ST8SIA5: variants seen among roughly 807,000 people sequenced by gnomAD.
ST8SIA5 encodes the protein alpha-2,8-sialyltransferase 8E.
In ST8SIA5, 24 loss-of-function variants were observed where a neutral mutation model predicts 40.2. That is an observed-to-expected ratio of 0.60 (90% CI 0.43 to 0.84). The LOEUF (loss-of-function observed/expected upper bound fraction) is 0.84. Among genes scored for constraint, ST8SIA5 ranks in the 40% least tolerant of loss-of-function variants. The pLI is 0.00. For missense variants in ST8SIA5, 465 were observed against 498.5 expected, an observed-to-expected ratio of 0.93 and a Z score of 0.64; for synonymous variants, 198 against 201.8, an observed-to-expected ratio of 0.98 and a Z score of 0.16.
Position 46,691,020 on chromosome 18 carries a change from A to G in ST8SIA5, c.311+1149T>C, listed in dbSNP as rs370534116. 4.6e-5 allele frequency among the ~76,000 whole-genome samples: 7 copies of G among 152,330 alleles called. 1 individual carries two copies. The East Asian group carries it at 1.4e-3, about 29-fold the overall frequency. On this transcript the variant is annotated intron_variant, in intron 3 of 6. Transcript: ENST00000315087. The stretch of plus-strand genomic sequence containing the variant: ...TTATCAGCCATACTCTCAGTGTGTC[A>G]GGTCTCACTCGCCCCCAGGGGCACC...
intron 2 of ST8SIA5, among the ~76,000 whole-genome samples, chr18:46,697,892 G>GA (rs201607825): frequency 1.1e-3 from 159 of 149,954 alleles, no homozygotes; most frequent in Middle Eastern, 3.5e-3. Flanking sequence ...GATTCCAGAG[G>GA]AAAAAAAAAT....
chr18:46,725,972 A>ATATATATATAT (rs1555696956), intron 1 of ST8SIA5, among the ~76,000 whole-genome samples: 4 of 29,078 alleles, frequency 1.4e-4, no homozygotes, highest in South Asian at 1.4e-3. Flanking sequence ...AAAAAAAAAA[A>ATATATATATAT]ATATATATAT....
At chr18:46,699,419 G>A (rs536579800) in intron 2 of ST8SIA5, among the ~76,000 whole-genome samples, 43 of 150,274 alleles carry the variant, frequency 2.9e-4, no homozygotes, top group African/African-American at 7.1e-4. Flanking sequence ...TTACTCCGTC[G>A]CCCAGGCTGG....
At chr18:46,698,588 AG>A (rs1180063392) in intron 2 of ST8SIA5, among the ~76,000 whole-genome samples, 1 of 152,264 alleles carries the variant, frequency 6.6e-6, no homozygotes, top group Non-Finnish European at 1.5e-5. Flanking sequence ...ATCAGGTAAA[AG>A]GGAAGAATCC....
At chr18:46,709,438 G>A (rs558274616) in intron 1 of ST8SIA5, among the ~76,000 whole-genome samples, 1 of 152,286 alleles carries the variant, frequency 6.6e-6, no homozygotes, top group Non-Finnish European at 1.5e-5. Flanking sequence ...CCCAGTCTAA[G>A]CTATTTTGTT....
chr18:46,719,558 G>A (rs1351769451), intron 1 of ST8SIA5, among the ~76,000 whole-genome samples: 1 of 152,172 alleles, frequency 6.6e-6, no homozygotes, highest in African/African-American at 2.4e-5. Flanking sequence ...TAGGAATGGA[G>A]CCCATGCAAT....
chr18:46,726,950 T>G (rs1399911153), intron 1 of ST8SIA5, among the ~76,000 whole-genome samples: 3 of 152,118 alleles, frequency 2.0e-5, no homozygotes, highest in African/African-American at 7.2e-5. Context: ...AAAAAACAAG[T>G]GCTTAACTGT....
chr18:46,721,714 T>C (rs2144529316), intron 1 of ST8SIA5, among the ~76,000 whole-genome samples: 1 of 152,064 alleles, frequency 6.6e-6, no homozygotes, highest in Non-Finnish European at 1.5e-5. Flanking sequence ...AGAGCACACA[T>C]TTCACACACA....
In ST8SIA5 at chr18:46,678,144, T is replaced by A. The variant is rs1168661199; in HGVS notation, c.*1898A>T. Reference sequence around the variant, plus strand: ...CAGTTCTTCCTGGTTTAGCAGGTGTTTGGGATCATTTCATCCCCTTGGCTA... The same window carrying A: ...CAGTTCTTCCTGGTTTAGCAGGTGTATGGGATCATTTCATCCCCTTGGCTA... On this transcript the variant is annotated 3_prime_UTR_variant, in exon 7 of 7. Transcript: ENST00000315087. 6.6e-6 allele frequency: 1 copy of A among 152,252 alleles called. No individual in the cohort carries two copies. Among genetic ancestry groups the A allele is most frequent in the Non-Finnish European group, 1.5e-5 (1 of 68,058 alleles). 9.4% of individuals were successfully genotyped at this position (152,252 alleles called of 1,614,324 possible).
chr18:46,720,924 G>GTGGGCAGGGCAGGGAGTACC (rs2039855546), intron 1 of ST8SIA5, among the ~76,000 whole-genome samples: 1 of 152,168 alleles, frequency 6.6e-6, no homozygotes, highest in Non-Finnish European at 1.5e-5. Context: ...AACCTCCCCT[G>GTGGGCAGGGCAGGGAGTACC]TGGGCAGGGC....
intron 3 of ST8SIA5, among the ~76,000 whole-genome samples, chr18:46,689,740 A>AT (rs961770000): frequency 0.22 from 28,480 of 128,056 alleles, 3,298 homozygotes; most frequent in African/African-American, 0.25. Context: ...TGCCTGGCTA[A>AT]TTTTTTTTTT....
At chr18:46,710,607 C>T (rs1365198350) in intron 1 of ST8SIA5, among the ~76,000 whole-genome samples, 1 of 144,210 alleles carries the variant, frequency 6.9e-6, no homozygotes. Context: ...GTGGCATGAT[C>T]TCGGCTCACT....
chr18:46,704,858 T>G (rs1031877605), intron 1 of ST8SIA5, among the ~76,000 whole-genome samples, 194 bp from the exon 2 acceptor site: 2 of 152,312 alleles, frequency 1.3e-5, no homozygotes, highest in East Asian at 3.9e-4. Context: ...GGTGGTCAGT[T>G]ACTCTCAGCG....
At chr18:46,703,876 T>A (rs985940758) in intron 2 of ST8SIA5, among the ~76,000 whole-genome samples, 1 of 152,242 alleles carries the variant, frequency 6.6e-6, no homozygotes, top group African/African-American at 2.4e-5. Flanking sequence ...GGCACATGCA[T>A]GCTAAAATGT....
At chr18:46,729,499 A>C (rs2039965395) in intron 1 of ST8SIA5, among the ~76,000 whole-genome samples, 1 of 152,124 alleles carries the variant, frequency 6.6e-6, no homozygotes, top group Non-Finnish European at 1.5e-5. Flanking sequence ...AGCCAGAAAC[A>C]CATGCCAGAC....
chr18:46,725,713 C>A (rs934793059), intron 1 of ST8SIA5, among the ~76,000 whole-genome samples: 17 of 151,678 alleles, frequency 1.1e-4, no homozygotes, highest in Non-Finnish European at 1.9e-4. Flanking sequence ...TTTTCAAAAC[C>A]AATGTATTAT....
intron 2 of ST8SIA5, among the ~76,000 whole-genome samples, chr18:46,693,092 C>T (rs2039523928): frequency 6.6e-6 from 1 of 151,922 alleles, no homozygotes; most frequent in South Asian, 2.1e-4. Context: ...GGGCATGCCT[C>T]CTGTTTCTAG....
chr18:46,681,100 T>C (rs191357694), intron 6 of ST8SIA5, among the ~76,000 whole-genome samples: 2 of 152,172 alleles, frequency 1.3e-5, no homozygotes, highest in Non-Finnish European at 2.9e-5. Flanking sequence ...GCCTTCTGAG[T>C]AGCTGAGACT....
chr18:46,678,894 A>C lies in ST8SIA5; in HGVS notation c.*1148T>G, dbSNP rs1024503337. On this transcript the variant is annotated 3_prime_UTR_variant, in exon 7 of 7. Coordinates refer to ENST00000315087, the MANE Select transcript of ST8SIA5 (RefSeq NM_013305.6). ...AATTTCAGATGTGAAATGATATGTGAACCCCTCTCTGCCTAAGCCCAGCTG... is the reference window on the plus strand; with the variant it reads ...AATTTCAGATGTGAAATGATATGTGCACCCCTCTCTGCCTAAGCCCAGCTG... 13 of 152,318 alleles carry C rather than the reference A, an allele frequency of 8.5e-5. No homozygotes were observed. The highest frequency in any genetic ancestry group is 2.7e-4 in the African/African-American group (11 of 41,472). The allele number at this position is 152,318 out of a possible 1,614,324, so 9.4% of individuals were successfully genotyped here. A position where few individuals can be genotyped will look rare whatever the true frequency, so the allele number is the denominator to read the frequency against.
Sources: gnomAD v4.1 joint callset for allele counts (sites outside exome capture counted in the v4.1 genomes callset) on GRCh38, gnomAD v4.1.1 for gene constraint, MANE v1.5 for transcripts, NCBI Gene and HGNC (gene_info 2026-07-23, HGNC 2026-07-21) for gene names.